Variants in ATP5PO observed in about 807,000 individuals in gnomAD.
ATP5PO encodes the protein ATP synthase peripheral stalk subunit OSCP, mitochondrial.
A neutral mutation model predicts 26.2 loss-of-function variants in ATP5PO; 14 were observed. That is an observed-to-expected ratio of 0.53 (90% CI 0.35 to 0.83). The LOEUF (loss-of-function observed/expected upper bound fraction) is 0.83. ATP5PO is among the 40% of genes least tolerant of loss of function. ATP5PO has a pLI of 0.01. For synonymous variants in ATP5PO, 106 were observed against 95.1 expected (o/e 1.12, Z -0.67); for missense variants, 241 against 258.5 (o/e 0.93, Z 0.46).
chr21:33,912,490 A>T lies in ATP5PO; in HGVS notation c.88-91T>A, dbSNP rs1987262856. On this transcript the variant is annotated intron_variant, in intron 2 of 6. Transcript: ENST00000290299. ...GAGCAGAATTTAAAATTTATATTTT[A>T]AAAAATGTATCTCTTTAACACAAAA... The T allele has an allele frequency of 1.6e-5, 13 of 827,360 alleles. No homozygotes were observed. In the South Asian group the frequency reaches 2.4e-4, roughly 15 times the overall value. 51.3% of individuals were successfully genotyped at this position (827,360 alleles called of 1,614,324 possible). A position where few individuals can be genotyped will look rare whatever the true frequency, so the allele number is the denominator to read the frequency against.
intron 1 of ATP5PO, 170 bp downstream of exon 1, chr21:33,915,558 C>CG: frequency 9.6e-7 from 1 of 1,042,758 alleles, no homozygotes; most frequent in Non-Finnish European, 1.4e-6. Context: ...GTAGGCATCC[C>CG]GGGGGACAAA....
intron 2 of ATP5PO, among the ~76,000 whole-genome samples, chr21:33,914,113 C>T (rs924611138): frequency 1.3e-5 from 2 of 151,720 alleles, no homozygotes; most frequent in Non-Finnish European, 2.9e-5. Context: ...CCTGTAATAA[C>T]TTCCTGTGAT....
chr21:33,909,598 A>G (rs1239710788), intron 3 of ATP5PO, among the ~76,000 whole-genome samples: 1 of 152,220 alleles, frequency 6.6e-6, no homozygotes, highest in Non-Finnish European at 1.5e-5. Context: ...TAAATATTTT[A>G]TGAATTAAAT....
intron 5 of ATP5PO, among the ~76,000 whole-genome samples, chr21:33,904,528 T>C (rs1987143787): frequency 6.6e-6 from 1 of 152,180 alleles, no homozygotes. Flanking sequence ...CACAGCTACC[T>C]GGAGCTCTGG....
At chr21:33,910,120 T>G (rs1047272356) in intron 3 of ATP5PO, among the ~76,000 whole-genome samples, 2 of 152,214 alleles carry the variant, frequency 1.3e-5, no homozygotes, top group African/African-American at 4.8e-5. Flanking sequence ...AAGTGCAGCT[T>G]CCAGCATGTT....
intron 3 of ATP5PO, among the ~76,000 whole-genome samples, chr21:33,911,555 C>T (rs1987246823): frequency 6.6e-6 from 1 of 150,962 alleles, no homozygotes; most frequent in Admixed American, 6.6e-5. Flanking sequence ...TCTGATTCTA[C>T]AAGCATAGAA....
In ATP5PO at chr21:33,909,269, C is replaced by T. The variant is rs1987216944; in HGVS notation, c.199-58G>A. 1.2e-5 allele frequency: 19 copies of T among 1,535,830 alleles called. No individual in the cohort carries two copies. The South Asian group carries it at 2.2e-4, about 18-fold the overall frequency. ...TTTAGAGCACAAATGAAGGATGTGCCATGCACACACTTTCTTTCTTTCTTT... is the reference window on the plus strand; with the variant it reads ...TTTAGAGCACAAATGAAGGATGTGCTATGCACACACTTTCTTTCTTTCTTT... On this transcript the variant is annotated intron_variant, in intron 3 of 6. Transcript: ENST00000290299.
intron 5 of ATP5PO, among the ~76,000 whole-genome samples, chr21:33,905,916 A>AAG: frequency 7.4e-6 from 1 of 134,294 alleles, no homozygotes; most frequent in Non-Finnish European, 1.6e-5. Flanking sequence ...AGTCTCAAAA[A>AAG]AGAAAAAAAA....
Position 33,903,540 on chromosome 21 carries a change from G to T in ATP5PO, c.628C>A (p.Arg210=). The T allele has an allele frequency of 6.2e-7, 1 of 1,613,134 alleles. No individual in the cohort carries two copies. Among genetic ancestry groups the T allele is most frequent in the South Asian group, 1.1e-5 (1 of 91,004 alleles). Residue 210 remains arginine (R), a synonymous_variant, in exon 7 of 7, where the codon CGG becomes AGG. Coordinates refer to ENST00000290299, the MANE Select transcript of ATP5PO (RefSeq NM_001697.3). The part of the protein sequence containing the change: ...TKIQKLGRAM[R]EIV ...AACCAACACTTTTAGACAATCTCCC[G>T]CATAGCCCTGCCCAGCTTCTGAATC...
At chr21:33,907,917 C>T (rs542642268) in intron 4 of ATP5PO, among the ~76,000 whole-genome samples, 2 of 152,058 alleles carry the variant, frequency 1.3e-5, no homozygotes, top group Admixed American at 6.5e-5. Flanking sequence ...TTTGGATGGC[C>T]GAGATGGGCA....
chr21:33,908,169 CAAAAAAA>C (rs34768404), intron 4 of ATP5PO, among the ~76,000 whole-genome samples: 3 of 97,682 alleles, frequency 3.1e-5, no homozygotes, highest in Non-Finnish European at 4.1e-5. Flanking sequence ...CACCCAGGCT[CAAAAAAA>C]AAAAAAAAAA....
At position 33,903,918 on chromosome 21, in the gene ATP5PO, A is replaced by C. The variant is rs771385028; in HGVS notation, c.528+17T>G. The C allele has an allele frequency of 6.3e-7, 1 of 1,583,322 alleles. No homozygotes were observed. Among genetic ancestry groups the C allele is most frequent in the Non-Finnish European group, 8.6e-7 (1 of 1,160,602 alleles). On this transcript the variant is annotated intron_variant, in intron 6 of 6. Coordinates refer to ENST00000290299, the MANE Select transcript of ATP5PO (RefSeq NM_001697.3). Reference sequence around the variant, plus strand: ...AAATAACCCGAGAAAACGTACCATAAATAATTTAAAACCTACCTTAGCCTC... The same window carrying C: ...AAATAACCCGAGAAAACGTACCATACATAATTTAAAACCTACCTTAGCCTC...
rs369557831 is a variant in ATP5PO, at chr21:33,915,397, G to A, written c.36+331C>T. On this transcript the variant is annotated intron_variant, in intron 1 of 6. Transcript: ENST00000290299. ...GACAGGTTTTACCACAATGGCAAAG[G>A]AAGCTGATTTGGGGGCTAGTCCATG... 1.3e-3 allele frequency: 533 copies of A among 397,070 alleles called. 6 individuals carry two copies. Among genetic ancestry groups the A allele is most frequent in the Non-Finnish European group, 1.2e-3 (258 of 221,238 alleles). 24.6% of individuals were successfully genotyped at this position (397,070 alleles called of 1,614,324 possible).
At chr21:33,912,245 T>C (rs1411492650) in intron 3 of ATP5PO, 44 bp downstream of exon 3, 2 of 1,535,508 alleles carry the variant, frequency 1.3e-6, no homozygotes, top group African/African-American at 1.4e-5. Flanking sequence ...GGAAAAAATA[T>C]ACAAACAGGA....
At chr21:33,904,740 A>C (rs1296815241) in intron 5 of ATP5PO, among the ~76,000 whole-genome samples, 2 of 152,284 alleles carry the variant, frequency 1.3e-5, no homozygotes, top group East Asian at 3.9e-4. Flanking sequence ...AAGGCTGTTA[A>C]ACCAAAGGCC....
chr21:33,914,446 A>G lies in ATP5PO; in HGVS notation c.87+4T>C. ...TCATTACAGAAGAATATAAATTAAC[A>G]TACCCTCACAAGCTTGGCAAATGGT... On this transcript the variant is annotated splice_donor_region_variant and intron_variant, in intron 2 of 6. Coordinates refer to ENST00000290299, the MANE Select transcript of ATP5PO (RefSeq NM_001697.3). 1 of 1,612,044 alleles carries G rather than the reference A, an allele frequency of 6.2e-7. No homozygotes were observed. The highest frequency in any genetic ancestry group is 1.1e-5 in the South Asian group (1 of 90,804).
rs761369589 is a variant in ATP5PO, at chr21:33,909,194, G to C, written c.216C>G (p.Pro72=). 6.2e-6 allele frequency: 10 copies of C among 1,613,186 alleles called. No individual in the cohort carries two copies. The African/African-American group carries it at 1.1e-4, about 17-fold the overall frequency. The change falls in exon 4 of 7, where the codon CCC becomes CCG. Residue 72 remains proline, a synonymous_variant. Transcript: ENST00000290299. Reference sequence around the variant, plus strand: ...GATTCAAAACAGAAGCAGCCACTTTGGGTTCCTTCAGGATTTGCTGAAAGC... The same window carrying C: ...GATTCAAAACAGAAGCAGCCACTTTCGGTTCCTTCAGGATTTGCTGAAAGC... The part of the protein sequence containing the change: ...LLRVAQILKE[P]KVAASVLNPY...
Position 33,915,615 on chromosome 21 carries a change from T to C in ATP5PO, c.36+113A>G, listed in dbSNP as rs1204111799. 48 of 1,460,242 alleles carry C rather than the reference T, an allele frequency of 3.3e-5. 1 individual carries two copies. The highest frequency in any genetic ancestry group is 4.0e-5 in the Non-Finnish European group (43 of 1,083,550). The allele number at this position is 1,460,242 out of a possible 1,614,324, so 90.5% of individuals were successfully genotyped here. Reference sequence around the variant, plus strand: ...TCCCACTCGCCAGGTCCCATAACCTTGAAGACTGCCAGACTTCCCCAGCCG... The same window carrying C: ...TCCCACTCGCCAGGTCCCATAACCTCGAAGACTGCCAGACTTCCCCAGCCG... On this transcript the variant is annotated intron_variant, in intron 1 of 6. Transcript: ENST00000290299.
chr21:33,912,321 C>G lies in ATP5PO; in HGVS notation c.166G>C (p.Glu56Gln), dbSNP rs1273053918. The change falls in exon 3 of 7, where the codon GAG becomes CAG. Residue 56 changes from glutamate (E) to glutamine (Q), a missense_variant. Coordinates refer to ENST00000290299, the MANE Select transcript of ATP5PO (RefSeq NM_001697.3). ...YSAASKQNKL[E>Q]QVEKELLRVA... ...CTCAACAACTCCTTTTCTACTTGCT[C>G]CAGCTTATTCTGTTTTGATGCAGCA... 2 of 1,613,164 alleles carry G rather than the reference C, an allele frequency of 1.2e-6. No individual in the cohort carries two copies. The highest frequency in any genetic ancestry group is 1.7e-6 in the Non-Finnish European group (2 of 1,179,502).
Sources: allele counts gnomAD v4.1 joint callset (sites outside exome capture counted in the v4.1 genomes callset), GRCh38; gene constraint gnomAD v4.1.1; transcripts MANE v1.5; gene names NCBI Gene and HGNC (gene_info 2026-07-23, HGNC 2026-07-21).